Variants in ADAMTS16 observed in about 807,000 individuals in gnomAD.
ADAMTS16 encodes A disintegrin and metalloproteinase with thrombospondin motifs 16.
A neutral mutation model predicts 145.8 loss-of-function variants in ADAMTS16; 94 were observed. The ratio of observed to expected loss-of-function variants is 0.64; its 90% CI spans 0.55 to 0.77. The LOEUF (loss-of-function observed/expected upper bound fraction) is 0.77. Ranked by LOEUF, ADAMTS16 falls within the 30% of genes least tolerant of loss-of-function variation. The pLI is 0.00. For synonymous variants in ADAMTS16, 659 were observed against 604.3 expected, an observed-to-expected ratio of 1.09 and a Z score of -1.33; for missense variants, 1,585 against 1,591.5, an observed-to-expected ratio of 1.00 and a Z score of 0.07.
intron 11 of ADAMTS16, among the ~76,000 whole-genome samples, chr5:5,224,919 A>G (rs2964444): frequency 0.76 from 116,238 of 152,058 alleles, 44,955 homozygotes; most frequent in African/African-American, 0.89. Flanking sequence ...TAACCTGTAC[A>G]TTCTGGTTAC....
rs193050124 is a variant in ADAMTS16 at position 5,266,579 on chromosome 5, G to T, written c.2789+3796G>T. Reference sequence around the variant, plus strand: ...GCCCATTGTTGCAATCTGCTTGTTGGTTGTTTGTTTTCTTTCTTGCCGCCT... The same window carrying T: ...GCCCATTGTTGCAATCTGCTTGTTGTTTGTTTGTTTTCTTTCTTGCCGCCT... On this transcript the variant is annotated intron_variant, in intron 18 of 22. Transcript: ENST00000274181. 3.3e-5 allele frequency among the ~76,000 whole-genome samples: 5 copies of T among 152,310 alleles called. No individual in the cohort carries two copies. In the East Asian group the frequency reaches 7.8e-4, roughly 24 times the overall value.
At chr5:5,252,023 G>A (rs1030525813) in intron 17 of ADAMTS16, among the ~76,000 whole-genome samples, 3 of 152,100 alleles carry the variant, frequency 2.0e-5, no homozygotes, top group Non-Finnish European at 4.4e-5. Context: ...GCTACTTTTT[G>A]TATTTTTAGT....
At chr5:5,251,163 C>T (rs1737612462) in intron 17 of ADAMTS16, among the ~76,000 whole-genome samples, 1 of 152,180 alleles carries the variant, frequency 6.6e-6, no homozygotes, top group Non-Finnish European at 1.5e-5. Context: ...ACAAATCATT[C>T]CTGAGACACC....
intron 3 of ADAMTS16, among the ~76,000 whole-genome samples, chr5:5,169,990 G>A (rs1735003275): frequency 6.6e-6 from 1 of 152,144 alleles, no homozygotes; most frequent in South Asian, 2.1e-4. Flanking sequence ...CCAAACCATG[G>A]CTTTTGAGAA....
chr5:5,173,513 C>T (rs1381383536), intron 3 of ADAMTS16, among the ~76,000 whole-genome samples: 2 of 151,574 alleles, frequency 1.3e-5, no homozygotes, highest in South Asian at 4.2e-4. Context: ...TCACTCTGTC[C>T]CCCAGGCTCG....
intron 17 of ADAMTS16, among the ~76,000 whole-genome samples, chr5:5,258,487 G>A (rs990742514): frequency 2.6e-5 from 4 of 152,250 alleles, no homozygotes; most frequent in Non-Finnish European, 5.9e-5. Flanking sequence ...CTGGCACTCC[G>A]TGTTTTAATG....
chr5:5,177,166 G>A (rs1735220223), intron 3 of ADAMTS16, among the ~76,000 whole-genome samples: 1 of 152,190 alleles, frequency 6.6e-6, no homozygotes, highest in Non-Finnish European at 1.5e-5. Flanking sequence ...ACCAAGGACT[G>A]AGTCCTTTCT....
intron 3 of ADAMTS16, chr5:5,175,888 G>A (rs1461839359): frequency 6.6e-6 from 1 of 152,430 alleles, no homozygotes; most frequent in Admixed American, 6.5e-5. Context: ...CAGGAGATGG[G>A]GAAGGGGTGG....
At chr5:5,205,036 C>T (rs1209586092) in intron 9 of ADAMTS16, among the ~76,000 whole-genome samples, 2 of 151,868 alleles carry the variant, frequency 1.3e-5, no homozygotes, top group Admixed American at 1.3e-4. Context: ...CTTGAATAAC[C>T]TTTTCCTTTT....
intron 13 of ADAMTS16, among the ~76,000 whole-genome samples, chr5:5,236,526 A>G (rs1737110634): frequency 6.6e-6 from 1 of 152,164 alleles, no homozygotes; most frequent in African/African-American, 2.4e-5. Context: ...TATGTATTTT[A>G]CCAAATGCGT....
intron 5 of ADAMTS16, 50 bp from the exon 6 acceptor site, chr5:5,187,675 G>A: frequency 7.9e-7 from 1 of 1,271,356 alleles, no homozygotes; most frequent in Non-Finnish European, 1.2e-6. Flanking sequence ...TAGTAAGTAG[G>A]GGGGAAAATG....
At chr5:5,247,359 C>G (rs1047989975) in intron 17 of ADAMTS16, among the ~76,000 whole-genome samples, 1 of 151,962 alleles carries the variant, frequency 6.6e-6, no homozygotes, top group African/African-American at 2.4e-5. Flanking sequence ...TACCCCCCCG[C>G]CCCCCGATCC....
chr5:5,169,245 G>A (rs1251372207), intron 3 of ADAMTS16, among the ~76,000 whole-genome samples: 1 of 152,064 alleles, frequency 6.6e-6, no homozygotes, highest in Non-Finnish European at 1.5e-5. Flanking sequence ...GCTCCTTCTG[G>A]CAACATTTCT....
intron 3 of ADAMTS16, among the ~76,000 whole-genome samples, chr5:5,176,657 A>C (rs1248488008): frequency 1.3e-5 from 2 of 152,210 alleles, no homozygotes; most frequent in African/African-American, 4.8e-5. Context: ...TAGATACAGG[A>C]ATGGTTTTGA....
chr5:5,277,981 T>TA (rs1019564865), intron 18 of ADAMTS16, among the ~76,000 whole-genome samples: 9 of 151,580 alleles, frequency 5.9e-5, no homozygotes, highest in Middle Eastern at 3.4e-3. Context: ...GACTCTGTCT[T>TA]AAAAAAAAGA....
At chr5:5,189,610 A>G (rs2126574180) in intron 6 of ADAMTS16, among the ~76,000 whole-genome samples, 1 of 152,356 alleles carries the variant, frequency 6.6e-6, no homozygotes, top group Non-Finnish European at 1.5e-5. Flanking sequence ...TGTATGTACA[A>G]AGCCATGTAT....
chr5:5,203,974 G>A (rs980538376), intron 9 of ADAMTS16, among the ~76,000 whole-genome samples: 7 of 152,102 alleles, frequency 4.6e-5, no homozygotes, highest in Admixed American at 2.0e-4. Context: ...AATACATTTC[G>A]AGTCACACAC....
chr5:5,273,414 T>C, intron 18 of ADAMTS16, among the ~76,000 whole-genome samples: 1 of 152,160 alleles, frequency 6.6e-6, no homozygotes, highest in East Asian at 1.9e-4. Context: ...TCTCAACTAC[T>C]TGGGAGGGAG....
At chr5:5,159,320 C>T (rs1560927950) in intron 3 of ADAMTS16, among the ~76,000 whole-genome samples, 1 of 152,132 alleles carries the variant, frequency 6.6e-6, no homozygotes. Flanking sequence ...AGGTCTTGAT[C>T]AAGTGTGATT....
Sources: allele counts gnomAD v4.1 joint callset (sites outside exome capture counted in the v4.1 genomes callset), GRCh38; gene constraint gnomAD v4.1.1; transcripts MANE v1.5; gene names NCBI Gene and HGNC (gene_info 2026-07-23, HGNC 2026-07-21).